Variants in PTPRZ1 observed in about 807,000 individuals in gnomAD.
PTPRZ1 encodes the protein receptor-type tyrosine-protein phosphatase zeta.
PTPRZ1 carries 82 observed loss-of-function variants against 214.1 expected under a neutral mutation model. The ratio of observed to expected loss-of-function variants is 0.38; its 90% CI spans 0.32 to 0.46. The LOEUF is 0.46. PTPRZ1 is among the 20% of genes least tolerant of loss of function. The pLI, the probability that PTPRZ1 is intolerant of heterozygous loss-of-function variation, is 1.00. For missense variants in PTPRZ1, 2,603 were observed against 2,748.7 expected (o/e 0.95, Z 1.19); for synonymous variants, 945 against 987.9 (o/e 0.96, Z 0.81).
chr7:122,011,000 G>A lies in PTPRZ1; in HGVS notation c.1954G>A (p.Val652Met). 3 of 1,614,188 alleles carry A rather than the reference G, an allele frequency of 1.9e-6. No homozygotes were observed. The highest frequency in any genetic ancestry group is 2.5e-6 in the Non-Finnish European group (3 of 1,180,024). Residue 652 changes from valine to methionine, a missense_variant, in exon 12 of 30, where the codon GTG (valine) becomes ATG (methionine). By Grantham distance (21) the Val-to-Met change is conservative (BLOSUM62 1). Around this residue, in one of 6 missense-constraint regions of PTPRZ1, gnomAD observed 1,913 missense variants for 1,914.3 expected, o/e 1.00. Transcript: ENST00000393386. ...AAAGGATCCTTCTATGGAGGGAAAT[G>A]TGTGGTTTCCTAGCTCTACAGACAT... ...SLKDPSMEGNVWFPSSTDITA... is the reference protein window; with the variant it reads ...SLKDPSMEGNMWFPSSTDITA...
chr7:122,059,709 A>G (rs375393881), intron 28 of PTPRZ1, 44 bp from the exon 29 acceptor site: 7 of 1,561,604 alleles, frequency 4.5e-6, no homozygotes, highest in Non-Finnish European at 5.2e-6. Context: ...TGAGTGGTGC[A>G]TCTCAATGGA....
At position 122,012,383 on chromosome 7, in the gene PTPRZ1, C is replaced by G; in HGVS notation, c.3337C>G (p.His1113Asp). The change falls in exon 12 of 30, where the codon CAT becomes GAT. Residue 1113 changes from histidine to aspartate, a missense_variant. Coordinates refer to ENST00000393386, the MANE Select transcript of PTPRZ1 (RefSeq NM_002851.3). ...TCATACCACCACTAAGGTTTTTGAT[C>G]ATGAGATTAGTCAAGTTCCAGAAAA... ...LAHTTTKVFD[H>D]EISQVPENNF... is the part of the protein sequence containing the mutation. The G allele has an allele frequency of 6.2e-7, 1 of 1,613,892 alleles. No individual in the cohort carries two copies. Among genetic ancestry groups the G allele is most frequent in the Non-Finnish European group, 8.5e-7 (1 of 1,179,842 alleles).
chr7:121,888,844 A>G (rs1397096421), intron 1 of PTPRZ1, among the ~76,000 whole-genome samples: 1 of 152,180 alleles, frequency 6.6e-6, no homozygotes, highest in African/African-American at 2.4e-5. Context: ...ATAGAATATT[A>G]GCTATGTTAT....
intron 2 of PTPRZ1, among the ~76,000 whole-genome samples, chr7:121,954,306 A>G (rs1796643352): frequency 6.6e-6 from 1 of 152,178 alleles, no homozygotes; most frequent in Non-Finnish European, 1.5e-5. Context: ...TCTGGCATGC[A>G]AAGCCCCCAA....
At chr7:122,042,507 A>G in intron 21 of PTPRZ1, 101 bp from the exon 22 acceptor site, 2 of 1,195,420 alleles carry the variant, frequency 1.7e-6, no homozygotes, top group Non-Finnish European at 2.3e-6. Context: ...TCGCTTGAAG[A>G]AGGAAGTTAT....
At chr7:122,040,729 CGT>C (rs3993671) in intron 20 of PTPRZ1, 85 bp from the exon 21 acceptor site, 18,487 of 486,232 alleles carry the variant, frequency 0.038, 225 homozygotes, top group Middle Eastern at 0.059. Context: ...GTTGAAGAAC[CGT>C]GTGTGTGTGT....
intron 17 of PTPRZ1, among the ~76,000 whole-genome samples, chr7:122,035,437 G>A (rs1017643089): frequency 6.6e-6 from 1 of 152,150 alleles, no homozygotes; most frequent in Non-Finnish European, 1.5e-5. Flanking sequence ...TAGAACATAC[G>A]CATCAGGTAA....
At chr7:121,874,698 C>A (rs1213220061) in intron 1 of PTPRZ1, among the ~76,000 whole-genome samples, 4 of 152,086 alleles carry the variant, frequency 2.6e-5, no homozygotes, top group African/African-American at 9.7e-5. Context: ...TGCCCATAGA[C>A]CCCCACACAC....
intron 1 of PTPRZ1, 87 bp downstream of exon 1, chr7:121,873,644 C>A: frequency 6.7e-7 from 1 of 1,496,678 alleles, no homozygotes; most frequent in Non-Finnish European, 9.2e-7. Context: ...GACTTGCCGC[C>A]GCCGCCGCCA....
chr7:122,012,772 A>C lies in PTPRZ1; in HGVS notation c.3726A>C (p.Pro1242=). The C allele has an allele frequency of 6.2e-7, 1 of 1,611,590 alleles. No individual in the cohort carries two copies. The highest frequency in any genetic ancestry group is 8.5e-7 in the Non-Finnish European group (1 of 1,177,794). ...ACATGCTGCACTCTACATCTGTACC[A>C]GTTTTTGATGTGTCGCCTACTTCTC... The part of the protein sequence containing the change: ...SENMLHSTSV[P]VFDVSPTSHM... Residue 1242 remains proline (P), a synonymous_variant, in exon 12 of 30, where the codon CCA becomes CCC. Transcript: ENST00000393386.
chr7:122,020,517 AG>A (rs1798984026), intron 13 of PTPRZ1, among the ~76,000 whole-genome samples: 1 of 152,158 alleles, frequency 6.6e-6, no homozygotes, highest in African/African-American at 2.4e-5. Context: ...GCAGGTGCAA[AG>A]ATCGGGAAGT....
At chr7:121,973,273 T>G (rs949419747) in intron 4 of PTPRZ1, among the ~76,000 whole-genome samples, 1 of 152,138 alleles carries the variant, frequency 6.6e-6, no homozygotes, top group African/African-American at 2.4e-5. Flanking sequence ...TTTAAATACA[T>G]TATGATGGAT....
chr7:121,895,160 G>A (rs1794750964), intron 1 of PTPRZ1, among the ~76,000 whole-genome samples: 1 of 152,124 alleles, frequency 6.6e-6, no homozygotes, highest in Admixed American at 6.6e-5. Flanking sequence ...CAGAGGATGT[G>A]CCCCTGGTTT....
intron 24 of PTPRZ1, 60 bp from the exon 25 acceptor site, chr7:122,051,806 A>G (rs1247522311): frequency 1.4e-6 from 2 of 1,403,020 alleles, no homozygotes; most frequent in Non-Finnish European, 2.0e-6. Flanking sequence ...TGCTGTGAGC[A>G]TGAGTTGTTT....
chr7:121,890,865 A>ACGGAATTT (rs1467861058), intron 1 of PTPRZ1, among the ~76,000 whole-genome samples: 1 of 151,498 alleles, frequency 6.6e-6, no homozygotes, highest in East Asian at 1.9e-4. Context: ...TATTGTAGAG[A>ACGGAATTT]CGGAATTTAT....
chr7:122,016,745 A>AT (rs1157659857), intron 12 of PTPRZ1, among the ~76,000 whole-genome samples: 2 of 151,716 alleles, frequency 1.3e-5, no homozygotes, highest in African/African-American at 4.8e-5. Flanking sequence ...TGCTATACAT[A>AT]TATAAATGAA....
intron 22 of PTPRZ1, among the ~76,000 whole-genome samples, chr7:122,044,146 C>T (rs761873009): frequency 6.6e-6 from 1 of 152,132 alleles, no homozygotes; most frequent in Non-Finnish European, 1.5e-5. Flanking sequence ...AGAGGACATT[C>T]CTTTGCCTTG....
intron 10 of PTPRZ1, among the ~76,000 whole-genome samples, chr7:122,000,430 G>A (rs2116623504): frequency 6.6e-6 from 1 of 151,392 alleles, no homozygotes; most frequent in Admixed American, 6.6e-5. Context: ...GATGTAAGTG[G>A]CTTTTGAGTT....
intron 21 of PTPRZ1, 102 bp downstream of exon 21, chr7:122,041,081 A>C: frequency 9.3e-7 from 1 of 1,073,602 alleles, no homozygotes; most frequent in Non-Finnish European, 1.3e-6. Context: ...TGATTTCTTG[A>C]AATGAGGGTG....
Sources: allele counts gnomAD v4.1 joint callset (sites outside exome capture counted in the v4.1 genomes callset), GRCh38; gene constraint gnomAD v4.1.1; regional missense constraint gnomAD v4.1.1; transcripts MANE v1.5; gene names NCBI Gene and HGNC (gene_info 2026-07-23, HGNC 2026-07-21).